Variants in PLA2G4A observed in about 807,000 individuals in gnomAD.
The protein encoded by PLA2G4A is cytosolic phospholipase A2.
PLA2G4A carries 40 observed loss-of-function variants against 81.9 expected under a neutral mutation model. That is an observed-to-expected ratio of 0.49 (90% CI 0.38 to 0.64). The LOEUF is 0.64. Among genes scored for constraint, PLA2G4A ranks in the 30% least tolerant of loss-of-function variants. The pLI is 0.00. For synonymous variants in PLA2G4A, 302 were observed against 296.9 expected, an observed-to-expected ratio of 1.02 and a Z score of -0.18; for missense variants, 715 against 905.1, an observed-to-expected ratio of 0.79 and a Z score of 2.69.
chr1:186,946,978 C>T lies in PLA2G4A; in HGVS notation c.1264+17C>T, dbSNP rs752470905. 47 of 1,323,744 alleles carry T rather than the reference C, an allele frequency of 3.6e-5. 1 individual carries two copies. The Admixed American group carries it at 4.0e-4, about 11-fold the overall frequency. The allele number at this position is 1,323,744 out of a possible 1,614,324, so 82.0% of individuals were successfully genotyped here. ...AAGAATTAGGTATCCTAAAGATATG[C>T]TTACATTGATACAAATCTTGCTACA... On this transcript the variant is annotated intron_variant, in intron 12 of 17. Transcript: ENST00000367466.
chr1:186,899,559 G>C (rs180963768), intron 5 of PLA2G4A, among the ~76,000 whole-genome samples: 1 of 152,246 alleles, frequency 6.6e-6, no homozygotes, highest in East Asian at 1.9e-4. Flanking sequence ...AGTTTGATGG[G>C]AACAGATCAT....
chr1:186,938,557 C>G (rs1038463694), intron 8 of PLA2G4A, among the ~76,000 whole-genome samples: 3 of 152,084 alleles, frequency 2.0e-5, no homozygotes, highest in Admixed American at 6.6e-5. Context: ...TAGGAATTTA[C>G]AATAGTTGGG....
intron 13 of PLA2G4A, among the ~76,000 whole-genome samples, chr1:186,954,892 T>C (rs1656692922): frequency 6.6e-6 from 1 of 152,228 alleles, no homozygotes; most frequent in Non-Finnish European, 1.5e-5. Context: ...CTGTTTCTGC[T>C]GCTAGCTAGT....
intron 14 of PLA2G4A, 106 bp from the exon 15 acceptor site, chr1:186,965,303 G>T: frequency 1.2e-6 from 1 of 820,616 alleles, no homozygotes; most frequent in Non-Finnish European, 2.0e-6. Context: ...AAGCCTGAGG[G>T]CCTAATCATA....
chr1:186,893,195 G>T, intron 4 of PLA2G4A, 36 bp downstream of exon 4: 1 of 1,564,760 alleles, frequency 6.4e-7, no homozygotes, highest in Non-Finnish European at 8.8e-7. Context: ...AGATGGTTGT[G>T]ATTCATGTTG....
chr1:186,832,053 A>C (rs1466303907), intron 1 of PLA2G4A, among the ~76,000 whole-genome samples: 1 of 152,082 alleles, frequency 6.6e-6, no homozygotes, highest in Non-Finnish European at 1.5e-5. Context: ...TCTATCCATG[A>C]GCAAAAGAGT....
At chr1:186,848,508 TG>T (rs1652264545) in intron 1 of PLA2G4A, among the ~76,000 whole-genome samples, 1 of 152,136 alleles carries the variant, frequency 6.6e-6, no homozygotes, top group Non-Finnish European at 1.5e-5. Flanking sequence ...CTGCAGTGAC[TG>T]GGTTAATTCT....
chr1:186,920,771 C>G (rs182925490), intron 7 of PLA2G4A, among the ~76,000 whole-genome samples: 104 of 152,334 alleles, frequency 6.8e-4, no homozygotes, highest in Non-Finnish European at 1.3e-3. Context: ...GCCAGTAAGT[C>G]GGCGTTTCGC....
chr1:186,907,702 AT>A (rs1654791404), intron 6 of PLA2G4A, among the ~76,000 whole-genome samples: 1 of 152,208 alleles, frequency 6.6e-6, no homozygotes, highest in African/African-American at 2.4e-5. Flanking sequence ...CAAATTGAAC[AT>A]TTTCACATCT....
intron 17 of PLA2G4A, among the ~76,000 whole-genome samples, chr1:186,987,606 G>T (rs1657931059): frequency 6.6e-6 from 1 of 152,134 alleles, no homozygotes; most frequent in Non-Finnish European, 1.5e-5. Flanking sequence ...TTCTTCCAAA[G>T]CCCATTTCCA....
At chr1:186,965,805 C>T (rs1341259833) in intron 15 of PLA2G4A, among the ~76,000 whole-genome samples, 1 of 151,902 alleles carries the variant, frequency 6.6e-6, no homozygotes, top group African/African-American at 2.4e-5. Flanking sequence ...AGGTCAGAGC[C>T]CTGAGCAGGA....
chr1:186,962,486 TTTTA>T (rs10657628), intron 14 of PLA2G4A, among the ~76,000 whole-genome samples: 45,353 of 136,148 alleles, frequency 0.33, 8,067 homozygotes, highest in Non-Finnish European at 0.41. Context: ...AGTTATTTTA[TTTTA>T]TTTATTTATT....
At chr1:186,919,995 C>T (rs1220278887) in intron 7 of PLA2G4A, among the ~76,000 whole-genome samples, 1 of 152,166 alleles carries the variant, frequency 6.6e-6, no homozygotes, top group Admixed American at 6.5e-5. Context: ...CCGGATACTG[C>T]TTTTGTCTAA....
At chr1:186,881,644 A>G (rs1313089569) in intron 3 of PLA2G4A, among the ~76,000 whole-genome samples, 1 of 152,108 alleles carries the variant, frequency 6.6e-6, no homozygotes, top group African/African-American at 2.4e-5. Context: ...TTTTTTTAAT[A>G]TAAAATTAAT....
At chr1:186,938,984 G>T in intron 8 of PLA2G4A, 24 bp from the exon 9 acceptor site, 1 of 1,168,834 alleles carries the variant, frequency 8.6e-7, no homozygotes, top group Non-Finnish European at 1.3e-6. Flanking sequence ...TATCTTTACT[G>T]ATTGTGTTTT....
intron 3 of PLA2G4A, among the ~76,000 whole-genome samples, chr1:186,889,899 G>C (rs906874647): frequency 6.6e-6 from 1 of 151,830 alleles, no homozygotes; most frequent in Non-Finnish European, 1.5e-5. Context: ...TGTTACTGAG[G>C]AACATGATGT....
chr1:186,973,531 T>C (rs1407825155), intron 15 of PLA2G4A, among the ~76,000 whole-genome samples: 1 of 152,186 alleles, frequency 6.6e-6, no homozygotes, highest in East Asian at 1.9e-4. Context: ...GGAGCCACCA[T>C]TCAACCCACT....
chr1:186,968,400 ATG>A lies in PLA2G4A; in HGVS notation c.1764+2839_1764+2840del, dbSNP rs58475951. Among the ~76,000 whole-genome samples the A allele has an allele frequency of 1.7e-4, 24 of 137,498 alleles. No homozygotes were observed. In the South Asian group the frequency reaches 2.1e-3, roughly 12 times the overall value. The allele number at this position is 137,498 out of a possible 152,430, so 90.2% of individuals were successfully genotyped here. Reference sequence around the variant, plus strand: ...CTTCTAGTCTCTTTTCGCGGTGTGTATGTGTGTGTGTGTGTGTGTGTGTGTGT... The same window carrying A: ...CTTCTAGTCTCTTTTCGCGGTGTGTATGTGTGTGTGTGTGTGTGTGTGTGT... On this transcript the variant is annotated intron_variant, in intron 15 of 17. Coordinates refer to ENST00000367466, the MANE Select transcript of PLA2G4A (RefSeq NM_024420.3).
At chr1:186,966,118 TAAAAAAAA>T (rs10609057) in intron 15 of PLA2G4A, among the ~76,000 whole-genome samples, 7 of 119,510 alleles carry the variant, frequency 5.9e-5, no homozygotes, top group African/African-American at 1.9e-4. Context: ...GAGTGGAAGT[TAAAAAAAA>T]AAAAAAAAAA....
Sources: allele counts gnomAD v4.1 joint callset (sites outside exome capture counted in the v4.1 genomes callset), GRCh38; gene constraint gnomAD v4.1.1; transcripts MANE v1.5; gene names NCBI Gene and HGNC (gene_info 2026-07-23, HGNC 2026-07-21).